Variants in ARSJ observed in about 807,000 individuals in gnomAD.
ARSJ encodes the protein arylsulfatase J.
A neutral mutation model predicts 35.9 loss-of-function variants in ARSJ; 26 were observed. That is an observed-to-expected ratio of 0.72 (90% CI 0.53 to 1.00). The LOEUF (loss-of-function observed/expected upper bound fraction) is 1.00. Ranked by LOEUF, ARSJ falls within the 50% of genes least tolerant of loss-of-function variation. ARSJ has a pLI of 0.00. For synonymous variants in ARSJ, 294 were observed against 267.6 expected (o/e 1.10, Z -0.96); for missense variants, 667 against 723.6 (o/e 0.92, Z 0.90).
chr4:113,946,537 A>G (rs577692207), intron 1 of ARSJ: 1 of 151,800 alleles, frequency 6.6e-6, no homozygotes, highest in African/African-American at 2.4e-5. Flanking sequence ...AAAGGAAAAA[A>G]AAAAAGCAAT....
At chr4:113,950,756 A>G (rs115080129) in intron 1 of ARSJ, among the ~76,000 whole-genome samples, 56 of 152,212 alleles carry the variant, frequency 3.7e-4, no homozygotes, top group African/African-American at 1.3e-3. Flanking sequence ...TTTTATAGCT[A>G]TTAAGTCTTG....
chr4:113,963,191 C>A lies in ARSJ; in HGVS notation c.398+15246G>T, dbSNP rs186302767. Among the ~76,000 whole-genome samples, 64 of 152,074 alleles carry A rather than the reference C, an allele frequency of 4.2e-4. 1 individual carries two copies. In the East Asian group the frequency reaches 0.012, roughly 28 times the overall value. ...TAGTTTTCTTATTTGTGTCTTCTTG[C>A]ACTAGAATATGAACACCATGAAAAC... On this transcript the variant is annotated intron_variant, in intron 1 of 1. Coordinates refer to ENST00000315366, the MANE Select transcript of ARSJ (RefSeq NM_024590.4).
intron 1 of ARSJ, among the ~76,000 whole-genome samples, chr4:113,938,689 T>G (rs920311911): frequency 2.0e-5 from 3 of 151,254 alleles, no homozygotes; most frequent in African/African-American, 7.3e-5. Context: ...TACAGACCTA[T>G]CCAGAATATA....
chr4:113,958,578 G>T (rs745483439), intron 1 of ARSJ, among the ~76,000 whole-genome samples: 4 of 152,090 alleles, frequency 2.6e-5, no homozygotes, highest in Middle Eastern at 3.4e-3. Flanking sequence ...TCATAGATTG[G>T]TTATTTTTTT....
chr4:113,904,310 G>A (rs867667695), intron 1 of ARSJ, among the ~76,000 whole-genome samples: 13 of 152,138 alleles, frequency 8.5e-5, no homozygotes, highest in Non-Finnish European at 1.9e-4. Context: ...AAACTGACAA[G>A]GTAAGAGAAA....
rs1257753989 is a variant in ARSJ at position 113,900,448 on chromosome 4, G to A, written c.*1826C>T. 1 of 152,006 alleles carries A rather than the reference G, an allele frequency of 6.6e-6. No individual in the cohort carries two copies. The highest frequency in any genetic ancestry group is 1.5e-5 in the Non-Finnish European group (1 of 68,010). The allele number at this position is 152,006 out of a possible 1,614,324, so 9.4% of individuals were successfully genotyped here. On this transcript the variant is annotated 3_prime_UTR_variant, in exon 2 of 2. Coordinates refer to ENST00000315366, the MANE Select transcript of ARSJ (RefSeq NM_024590.4). ...CATTTAAATCATCTTACCCAATTTA[G>A]TAATTTCAGTACTAGATTATAGATT... is the stretch of plus-strand genomic sequence containing the variant.
chr4:113,975,202 A>C (rs1244012593), intron 1 of ARSJ, among the ~76,000 whole-genome samples: 3 of 152,186 alleles, frequency 2.0e-5, no homozygotes, highest in African/African-American at 7.2e-5. Context: ...GAATTTATCA[A>C]ATATCCTATT....
intron 1 of ARSJ, among the ~76,000 whole-genome samples, chr4:113,958,288 G>A (rs1348447961): frequency 2.6e-5 from 4 of 152,000 alleles, no homozygotes; most frequent in Non-Finnish European, 5.9e-5. Context: ...ATTAAATGTT[G>A]CTGTACATAA....
intron 1 of ARSJ, among the ~76,000 whole-genome samples, chr4:113,918,265 TC>T (rs1328423262): frequency 6.6e-6 from 1 of 152,184 alleles, no homozygotes; most frequent in Non-Finnish European, 1.5e-5. Flanking sequence ...CCAGCTATCT[TC>T]TATTAGAGCA....
chr4:113,925,020 A>G (rs1723964118), intron 1 of ARSJ, among the ~76,000 whole-genome samples: 1 of 152,040 alleles, frequency 6.6e-6, no homozygotes, highest in Non-Finnish European at 1.5e-5. Flanking sequence ...GTAGTTTCCC[A>G]TTGACCTTAA....
At chr4:113,937,344 G>A (rs1724826627) in intron 1 of ARSJ, among the ~76,000 whole-genome samples, 1 of 151,758 alleles carries the variant, frequency 6.6e-6, no homozygotes, top group South Asian at 2.1e-4. Context: ...AGCTCCAGAT[G>A]AGTAGAAAAT....
chr4:113,941,996 C>T (rs10034059), intron 1 of ARSJ, among the ~76,000 whole-genome samples: 54,962 of 151,594 alleles, frequency 0.36, 10,774 homozygotes, highest in African/African-American at 0.51. Flanking sequence ...CTTGAAATCC[C>T]TGAAGTATGA....
intron 1 of ARSJ, among the ~76,000 whole-genome samples, chr4:113,923,484 T>C (rs1723810831): frequency 6.6e-6 from 1 of 152,280 alleles, no homozygotes; most frequent in South Asian, 2.1e-4. Flanking sequence ...AAACTTTTAT[T>C]TCACACTGAA....
chr4:113,945,024 A>T (rs1490621215), intron 1 of ARSJ, among the ~76,000 whole-genome samples: 1 of 152,104 alleles, frequency 6.6e-6, no homozygotes, highest in East Asian at 1.9e-4. Flanking sequence ...TTATATCTGA[A>T]TAGGAATAAT....
intron 1 of ARSJ, among the ~76,000 whole-genome samples, chr4:113,966,962 A>G (rs569153017): frequency 1.3e-5 from 2 of 152,260 alleles, no homozygotes; most frequent in Admixed American, 6.5e-5. Flanking sequence ...CAAGAAAAGC[A>G]TATCATGGTA....
At chr4:113,929,421 A>G (rs1292172403) in intron 1 of ARSJ, among the ~76,000 whole-genome samples, 1 of 152,118 alleles carries the variant, frequency 6.6e-6, no homozygotes, top group Non-Finnish European at 1.5e-5. Context: ...AGGCTGATGG[A>G]AGCATGGGTT....
intron 1 of ARSJ, among the ~76,000 whole-genome samples, chr4:113,934,548 T>A (rs993999194): frequency 6.6e-6 from 1 of 151,758 alleles, no homozygotes; most frequent in African/African-American, 2.4e-5. Flanking sequence ...GTCTTTGAGA[T>A]TGAAGTAGAT....
intron 1 of ARSJ, among the ~76,000 whole-genome samples, chr4:113,933,371 T>C (rs1484072644): frequency 1.3e-5 from 2 of 151,800 alleles, no homozygotes; most frequent in African/African-American, 4.8e-5. Flanking sequence ...GTTGCTCTGA[T>C]ACCAAAACCA....
At chr4:113,924,435 A>G (rs1723926115) in intron 1 of ARSJ, among the ~76,000 whole-genome samples, 1 of 152,048 alleles carries the variant, frequency 6.6e-6, no homozygotes. Flanking sequence ...ACACCCTCAC[A>G]GACACACCCA....
Sources: allele counts gnomAD v4.1 joint callset (sites outside exome capture counted in the v4.1 genomes callset), GRCh38; gene constraint gnomAD v4.1.1; transcripts MANE v1.5; gene names NCBI Gene and HGNC (gene_info 2026-07-23, HGNC 2026-07-21).